Variants in SACM1L observed in about 807,000 individuals in gnomAD.
SACM1L encodes phosphatidylinositol-3-phosphatase SAC1.
In SACM1L, 32 loss-of-function variants were observed where a neutral mutation model predicts 89.5. That is an observed-to-expected ratio of 0.36 (90% CI 0.27 to 0.48). SACM1L has a LOEUF of 0.48. Among genes scored for constraint, SACM1L ranks in the 20% least tolerant of loss-of-function variants. The pLI, the probability that SACM1L is intolerant of heterozygous loss-of-function variation, is 0.99. For synonymous variants in SACM1L, 213 were observed against 232.8 expected (o/e 0.92, Z 0.77); for missense variants, 543 against 708.5 (o/e 0.77, Z 2.65).
chr3:45,711,492 G>T (rs540539601), intron 5 of SACM1L, among the ~76,000 whole-genome samples: 14 of 152,068 alleles, frequency 9.2e-5, no homozygotes, highest in African/African-American at 3.1e-4. Flanking sequence ...ATCAGGTGTG[G>T]CGGCACGCAC....
At position 45,737,599 on chromosome 3, in the gene SACM1L, A is replaced by G. The variant is rs749581670; in HGVS notation, c.1256A>G (p.His419Arg). The G allele has an allele frequency of 1.3e-5, 21 of 1,595,940 alleles. No individual in the cohort carries two copies. The South Asian group carries it at 1.5e-4, about 11-fold the overall frequency. The change falls in exon 15 of 20, where the codon CAT becomes CGT. Residue 419 changes from histidine (H) to arginine (R), a missense_variant. His to Arg is a conservative substitution (Grantham distance 29). Around this residue, in one of 2 missense-constraint regions of SACM1L, gnomAD observed 370 missense variants for 527.6 expected, o/e 0.70. Transcript: ENST00000389061. ...QAQLQRLGVLHVGQKLEEQDE... is the reference protein window; with the variant it reads ...QAQLQRLGVLRVGQKLEEQDE... Reference sequence around the variant, plus strand: ...TTATTCCAGAGACTAGGAGTTTTGCATGTGGGACAAAAGCTTGAAGAACAA... The same window carrying G: ...TTATTCCAGAGACTAGGAGTTTTGCGTGTGGGACAAAAGCTTGAAGAACAA...
chr3:45,736,261 A>G (rs1257874898), intron 14 of SACM1L, among the ~76,000 whole-genome samples: 1 of 152,132 alleles, frequency 6.6e-6, no homozygotes, highest in African/African-American at 2.4e-5. Context: ...ATTGACTCCA[A>G]AGTAAAAAGT....
intron 7 of SACM1L, among the ~76,000 whole-genome samples, chr3:45,718,242 T>C (rs902910888): frequency 6.6e-6 from 1 of 151,174 alleles, no homozygotes; most frequent in African/African-American, 2.4e-5. Context: ...ATGACTATAA[T>C]GAGCAAATAA....
In SACM1L at chr3:45,743,557, C is replaced by A; in HGVS notation, c.1652C>A (p.Ala551Asp). The A allele has an allele frequency of 1.2e-6, 2 of 1,613,092 alleles. No homozygotes were observed. The highest frequency in any genetic ancestry group is 1.7e-6 in the Non-Finnish European group (2 of 1,179,710). Residue 551 changes from alanine (A) to aspartate (D), a missense_variant, in exon 20 of 20, where the codon GCC becomes GAC. Ala to Asp is a moderately radical substitution (Grantham distance 126). Transcript: ENST00000389061. ...GGTGACACTTGGACAGAAACACTGG[C>A]CTATGTGCTCTTCTGGGGAGTTGCA... is the stretch of plus-strand genomic sequence containing the variant. ...MAGDTWTETL[A>D]YVLFWGVASI...
intron 1 of SACM1L, among the ~76,000 whole-genome samples, chr3:45,700,059 A>G (rs1387820748): frequency 6.6e-6 from 1 of 152,144 alleles, no homozygotes; most frequent in Non-Finnish European, 1.5e-5. Context: ...GTTTAAATGC[A>G]TTTATGTAAA....
rs753612806 is a variant in SACM1L at position 45,714,096 on chromosome 3, T to C, written c.577+17T>C. ...TACATGGCTGTATCCTTACATGATA[T>C]TACTCTTTAGTTTCTAGATGCCTTT... On this transcript the variant is annotated intron_variant, in intron 7 of 19. Coordinates refer to ENST00000389061, the MANE Select transcript of SACM1L (RefSeq NM_014016.5). 1.3e-6 allele frequency: 2 copies of C among 1,503,048 alleles called. No homozygotes were observed. Among genetic ancestry groups the C allele is most frequent in the South Asian group, 2.8e-5 (2 of 72,162 alleles). The allele number at this position is 1,503,048 out of a possible 1,614,324, so 93.1% of individuals were successfully genotyped here. A position where few individuals can be genotyped will look rare whatever the true frequency, so the allele number is the denominator to read the frequency against.
chr3:45,704,552 TCTC>T (rs1441072847), intron 2 of SACM1L, among the ~76,000 whole-genome samples: 1 of 152,182 alleles, frequency 6.6e-6, no homozygotes, highest in Non-Finnish European at 1.5e-5. Flanking sequence ...TTAGTACACT[TCTC>T]CTAAAGTTTA....
chr3:45,723,007 A>G (rs755092079), intron 10 of SACM1L, 52 bp downstream of exon 10: 5 of 1,307,064 alleles, frequency 3.8e-6, no homozygotes, highest in Non-Finnish European at 5.5e-6. Context: ...GCTTAATAGC[A>G]TTATAATTTG....
chr3:45,708,343 A>G (rs1281249431), intron 4 of SACM1L, among the ~76,000 whole-genome samples: 1 of 152,078 alleles, frequency 6.6e-6, no homozygotes, highest in African/African-American at 2.4e-5. Context: ...TTGTTTAGAG[A>G]TATATATACC....
intron 7 of SACM1L, among the ~76,000 whole-genome samples, chr3:45,718,188 T>C (rs969932907): frequency 3.9e-5 from 6 of 152,042 alleles, no homozygotes; most frequent in African/African-American, 1.4e-4. Flanking sequence ...AATCTAGTCA[T>C]ATAGTGGAAT....
chr3:45,723,932 G>A (rs1450580741), intron 11 of SACM1L, among the ~76,000 whole-genome samples: 9 of 148,214 alleles, frequency 6.1e-5, no homozygotes. Context: ...ATTCCATTGT[G>A]TATGTGTATG....
At chr3:45,695,601 T>A (rs1559534575) in intron 1 of SACM1L, among the ~76,000 whole-genome samples, 3 of 152,234 alleles carry the variant, frequency 2.0e-5, no homozygotes. Flanking sequence ...ATGTTCTTGC[T>A]ACAGTTTTAT....
At chr3:45,700,326 A>G (rs1240510647) in intron 1 of SACM1L, among the ~76,000 whole-genome samples, 1 of 152,254 alleles carries the variant, frequency 6.6e-6, no homozygotes, top group African/African-American at 2.4e-5. Flanking sequence ...TGAACTTAAA[A>G]GATGTAGACC....
intron 3 of SACM1L, among the ~76,000 whole-genome samples, chr3:45,706,391 G>C (rs892039203): frequency 6.6e-6 from 1 of 152,168 alleles, no homozygotes; most frequent in African/African-American, 2.4e-5. Flanking sequence ...ACATTGCCCT[G>C]TAGTGTCAGA....
chr3:45,723,984 A>G (rs931888267), intron 11 of SACM1L, among the ~76,000 whole-genome samples: 1 of 151,520 alleles, frequency 6.6e-6, no homozygotes, highest in Admixed American at 6.6e-5. Context: ...ACACACACAC[A>G]TATACATGCA....
intron 4 of SACM1L, among the ~76,000 whole-genome samples, chr3:45,707,485 A>G (rs1698425614): frequency 6.6e-6 from 1 of 152,218 alleles, no homozygotes; most frequent in Non-Finnish European, 1.5e-5. Context: ...CCAAAGATGA[A>G]GGTGCAAAAA....
intron 13 of SACM1L, 54 bp from the exon 14 acceptor site, chr3:45,735,181 C>G (rs2125704832): frequency 6.6e-7 from 1 of 1,520,968 alleles, no homozygotes; most frequent in African/African-American, 1.4e-5. Context: ...GAGTTAAGTC[C>G]TTAGTAAATC....
intron 7 of SACM1L, among the ~76,000 whole-genome samples, chr3:45,715,699 A>G (rs187394551): frequency 6.7e-4 from 101 of 151,844 alleles, no homozygotes; most frequent in African/African-American, 2.3e-3. Flanking sequence ...GCTTGAACCC[A>G]GGAGACGGAG....
intron 14 of SACM1L, chr3:45,737,363 G>C (rs776170381): frequency 8.3e-5 from 47 of 565,906 alleles, no homozygotes; most frequent in Middle Eastern, 4.6e-4. Context: ...AAGGGAGTGC[G>C]GGGGCTGCAA....
Sources: gnomAD v4.1 joint callset for allele counts (sites outside exome capture counted in the v4.1 genomes callset) on GRCh38, gnomAD v4.1.1 for gene constraint, gnomAD v4.1.1 regional missense constraint, MANE v1.5 for transcripts, NCBI Gene and HGNC (gene_info 2026-07-23, HGNC 2026-07-21) for gene names.